The following DPF3 variants were observed in gnomAD, a reference collection of about 807,000 sequenced individuals.
The protein encoded by DPF3 is double PHD fingers 3, also known as zinc finger protein DPF3.
Under a neutral mutation model 56.8 loss-of-function variants are expected in DPF3, and 18 were observed. That is an observed-to-expected ratio of 0.32 (90% CI 0.22 to 0.47). The LOEUF is 0.47. Among genes scored for constraint, DPF3 ranks in the 20% least tolerant of loss-of-function variants. The pLI is 1.00. For missense variants in DPF3, 403 were observed against 488.8 expected, an observed-to-expected ratio of 0.82 and a Z score of 1.65; for synonymous variants, 188 against 180.2, an observed-to-expected ratio of 1.04 and a Z score of -0.35.
chr14:72,696,662 C>A (rs1567203407), intron 6 of DPF3, among the ~76,000 whole-genome samples: 1 of 152,216 alleles, frequency 6.6e-6, no homozygotes, highest in African/African-American at 2.4e-5. Flanking sequence ...TAAAAGTCTA[C>A]AAAACCAAAC....
chr14:72,714,275 G>A, intron 6 of DPF3, 148 bp downstream of exon 6: 2 of 993,728 alleles, frequency 2.0e-6, no homozygotes, highest in Non-Finnish European at 2.9e-6. Context: ...TGCGGTGGAG[G>A]CGGCAGGCGA....
intron 1 of DPF3, 84 bp downstream of exon 1, chr14:72,893,971 GCT>G: frequency 1.9e-6 from 3 of 1,539,940 alleles, no homozygotes; most frequent in Non-Finnish European, 2.7e-6. Context: ...CAAGCGCAAT[GCT>G]CTGGCAGCGC....
intron 8 of DPF3, among the ~76,000 whole-genome samples, chr14:72,644,278 A>G (rs1464041456): frequency 4.6e-5 from 7 of 152,188 alleles, no homozygotes; most frequent in Non-Finnish European, 1.0e-4. Flanking sequence ...CCAAGCCCCA[A>G]CATCCAGGCA....
chr14:72,766,570 G>A (rs1891296942), intron 2 of DPF3, among the ~76,000 whole-genome samples: 1 of 152,152 alleles, frequency 6.6e-6, no homozygotes, highest in African/African-American at 2.4e-5. Flanking sequence ...TCCCACCTCA[G>A]CCTCCCAAGT....
intron 1 of DPF3, among the ~76,000 whole-genome samples, chr14:72,776,672 T>C (rs1891754998): frequency 6.6e-6 from 1 of 152,112 alleles, no homozygotes. Context: ...CCACACCTGC[T>C]TGCTCCGATT....
chr14:72,847,357 G>A (rs749727703), intron 1 of DPF3, among the ~76,000 whole-genome samples: 3 of 152,162 alleles, frequency 2.0e-5, no homozygotes, highest in East Asian at 3.8e-4. Context: ...TGAGGGCCAC[G>A]ACATATGTCT....
At chr14:72,792,705 C>T (rs1158879493) in intron 1 of DPF3, among the ~76,000 whole-genome samples, 3 of 151,998 alleles carry the variant, frequency 2.0e-5, no homozygotes, top group Non-Finnish European at 2.9e-5. Flanking sequence ...CCCCTCCCAG[C>T]GAAGTCCCAT....
At chr14:72,869,671 T>C (rs964716296) in intron 1 of DPF3, among the ~76,000 whole-genome samples, 5 of 152,004 alleles carry the variant, frequency 3.3e-5, no homozygotes. Flanking sequence ...TCCTGGGGAA[T>C]GTGGGGACGG....
chr14:72,678,481 G>C (rs563158474), intron 7 of DPF3, among the ~76,000 whole-genome samples: 154 of 152,294 alleles, frequency 1.0e-3, no homozygotes, highest in African/African-American at 3.5e-3. Context: ...ACACTTCTCT[G>C]GAGAATTCCA....
rs144504919 is a variant in DPF3, at chr14:72,609,796, T to C, written c.*9501A>G. ...GGGTGGGCCAAATGGAGATATTGTCTCAAGACCATTACACACAGCTTCCCA... is the reference window on the plus strand; with the variant it reads ...GGGTGGGCCAAATGGAGATATTGTCCCAAGACCATTACACACAGCTTCCCA... On this transcript the variant is annotated 3_prime_UTR_variant, in exon 11 of 11. Transcript: ENST00000556509. Among the ~76,000 whole-genome samples the C allele has an allele frequency of 3.7e-3, 559 of 152,282 alleles. 6 individuals carry two copies. Among genetic ancestry groups the C allele is most frequent in the African/African-American group, 0.013 (531 of 41,556 alleles).
At chr14:72,793,931 C>T (rs1722549317) in intron 1 of DPF3, among the ~76,000 whole-genome samples, 2 of 152,206 alleles carry the variant, frequency 1.3e-5, no homozygotes, top group South Asian at 2.1e-4. Flanking sequence ...GATGGAGGTT[C>T]GTGAAGCTGC....
chr14:72,766,197 T>A (rs1385601711), intron 2 of DPF3, among the ~76,000 whole-genome samples: 2 of 152,248 alleles, frequency 1.3e-5, no homozygotes, highest in Non-Finnish European at 2.9e-5. Context: ...TAAACTTTTT[T>A]AATAACAAGG....
At chr14:72,798,307 A>T (rs956408119) in intron 1 of DPF3, among the ~76,000 whole-genome samples, 1 of 151,060 alleles carries the variant, frequency 6.6e-6, no homozygotes, top group African/African-American at 2.4e-5. Context: ...CTATAAGCAG[A>T]ACTTTACTTT....
intron 1 of DPF3, among the ~76,000 whole-genome samples, chr14:72,775,985 C>CA (rs772302551): frequency 0.051 from 5,210 of 101,792 alleles, 102 homozygotes; most frequent in South Asian, 0.073. Flanking sequence ...GTATTTCTGC[C>CA]AAAAAAAAAA....
chr14:72,759,624 T>A (rs1184514104), intron 2 of DPF3, among the ~76,000 whole-genome samples: 1 of 151,686 alleles, frequency 6.6e-6, no homozygotes, highest in Non-Finnish European at 1.5e-5. Context: ...TAAAAAGAAA[T>A]AAGGGCTGGA....
chr14:72,863,807 C>T (rs548703877), intron 1 of DPF3, among the ~76,000 whole-genome samples: 3 of 152,166 alleles, frequency 2.0e-5, no homozygotes, highest in African/African-American at 7.2e-5. Flanking sequence ...TGCCACTGTG[C>T]AAATGTTCTG....
chr14:72,666,456 C>T (rs1886448481), intron 8 of DPF3, among the ~76,000 whole-genome samples: 1 of 152,102 alleles, frequency 6.6e-6, no homozygotes, highest in Non-Finnish European at 1.5e-5. Context: ...CAAAGATGAT[C>T]TTTGGGGAAG....
At chr14:72,874,757 T>C (rs1261021877) in intron 1 of DPF3, among the ~76,000 whole-genome samples, 1 of 152,222 alleles carries the variant, frequency 6.6e-6, no homozygotes, top group Non-Finnish European at 1.5e-5. Context: ...TTCCAAACTT[T>C]CCCACATTTT....
Position 72,661,868 on chromosome 14 carries a change from T to G in DPF3, c.871+12372A>C, listed in dbSNP as rs1280796488. 131 of 983,366 alleles carry G rather than the reference T, an allele frequency of 1.3e-4. 1 individual carries two copies. The African/African-American group carries it at 2.3e-3, about 17-fold the overall frequency. 60.9% of individuals were successfully genotyped at this position (983,366 alleles called of 1,614,324 possible). ...TTTTATTTTTGCTTTTTTTTTTTTT[T>G]TTTTTTTGCTGCATTATTTTAAACA... On this transcript the variant is annotated intron_variant, in intron 8 of 10. Coordinates refer to ENST00000556509, the MANE Select transcript of DPF3 (RefSeq NM_001280542.3).
Sources: allele counts gnomAD v4.1 joint callset (sites outside exome capture counted in the v4.1 genomes callset), GRCh38; gene constraint gnomAD v4.1.1; transcripts MANE v1.5; gene names NCBI Gene and HGNC (gene_info 2026-07-23, HGNC 2026-07-21).